The following PTPRQ variants were observed in gnomAD, a reference collection of about 807,000 sequenced individuals.
The protein encoded by PTPRQ is protein tyrosine phosphatase receptor type Q, also known as phosphatidylinositol phosphatase PTPRQ.
In PTPRQ, 199 loss-of-function variants were observed where a neutral mutation model predicts 246.0. The ratio of observed to expected loss-of-function variants is 0.81; its 90% CI spans 0.72 to 0.91. PTPRQ has a LOEUF of 0.91. Among genes scored for constraint, PTPRQ ranks in the 40% least tolerant of loss-of-function variants. The probability of loss-of-function intolerance (pLI) is 0.00; values close to 1 mark genes in which losing one functional copy is unlikely to be tolerated. For synonymous variants in PTPRQ, 869 were observed against 853.2 expected (o/e 1.02, Z -0.32); for missense variants, 2,624 against 2,528.4 (o/e 1.04, Z -0.81).
At chr12:80,533,269 C>T (rs908830226) in intron 17 of PTPRQ, among the ~76,000 whole-genome samples, 15 of 151,900 alleles carry the variant, frequency 9.9e-5, no homozygotes, top group African/African-American at 3.6e-4. Flanking sequence ...ACTAACATGA[C>T]TGAAATAAAA....
At chr12:80,452,459 C>T (rs576518697) in intron 3 of PTPRQ, among the ~76,000 whole-genome samples, 116 of 152,258 alleles carry the variant, frequency 7.6e-4, no homozygotes, top group African/African-American at 2.6e-3. Context: ...TCTTCCTAGC[C>T]TTGATGGTCT....
chr12:80,444,694 C>T, intron 1 of PTPRQ, 47 bp from the exon 2 acceptor site: 3 of 1,403,654 alleles, frequency 2.1e-6, no homozygotes, highest in South Asian at 1.2e-5. Context: ...AGCTTGCTTG[C>T]TTTCCAGAAA....
chr12:80,637,703 A>C (rs1244999740), intron 35 of PTPRQ, among the ~76,000 whole-genome samples: 3 of 152,220 alleles, frequency 2.0e-5, no homozygotes, highest in Non-Finnish European at 4.4e-5. Context: ...AAAGTCACTA[A>C]AACATTAGAC....
At chr12:80,538,422 A>G (rs746858843) in intron 19 of PTPRQ, among the ~76,000 whole-genome samples, 2 of 152,234 alleles carry the variant, frequency 1.3e-5, no homozygotes, top group Non-Finnish European at 2.9e-5. Context: ...AATAAATTCT[A>G]TAACAAAAAT....
rs181874234 is a variant in PTPRQ, at chr12:80,459,412, A to T, written c.589A>T (p.Ser197Cys). ...SFKISVKHAR[S>C]GIVVKDVSIR... ...CAAGATTAGTGTCAAGCATGCCAGA[A>T]GTGGGATAGTAGTGAAAGATGTCTC... Residue 197 changes from serine to cysteine, a missense_variant, in exon 5 of 45, where the codon AGT (serine) becomes TGT (cysteine). By Grantham distance (112) the Ser-to-Cys change is moderately radical. Coordinates refer to ENST00000644991, the MANE Select transcript of PTPRQ (RefSeq NM_001145026.2). 2.1e-4 allele frequency: 84 copies of T among 398,514 alleles called. No homozygotes were observed. Among genetic ancestry groups the T allele is most frequent in the African/African-American group, 1.7e-3 (81 of 48,752 alleles). The allele number at this position is 398,514 out of a possible 1,614,324, so 24.7% of individuals were successfully genotyped here.
In PTPRQ at chr12:80,558,119, C is replaced by CTTTTCT. The variant is rs1555197998; in HGVS notation, c.4285+8388_4285+8389insTCTTTT. On this transcript the variant is annotated intron_variant, in intron 25 of 44. Coordinates refer to ENST00000644991, the MANE Select transcript of PTPRQ (RefSeq NM_001145026.2). ...CCCTCCTTTCTTCTTTCTTTTCTTT[C>CTTTTCT]TTTCTTTTCTTTTCTTTTCTTTTCT... 2.5e-3 allele frequency among the ~76,000 whole-genome samples: 241 copies of CTTTTCT among 95,650 alleles called. 3 individuals are homozygous for CTTTTCT. Among genetic ancestry groups the CTTTTCT allele is most frequent in the African/African-American group, 8.9e-3 (180 of 20,178 alleles). The allele number at this position is 95,650 out of a possible 152,430, so 62.8% of individuals were successfully genotyped here.
intron 25 of PTPRQ, among the ~76,000 whole-genome samples, chr12:80,585,599 CCTT>C (rs1897586322): frequency 6.6e-6 from 1 of 152,158 alleles, no homozygotes; most frequent in Admixed American, 6.5e-5. Flanking sequence ...GTCACTCAGT[CCTT>C]CTTGTTATTC....
At chr12:80,536,733 G>T (rs900742708) in intron 19 of PTPRQ, among the ~76,000 whole-genome samples, 1 of 152,156 alleles carries the variant, frequency 6.6e-6, no homozygotes, top group Non-Finnish European at 1.5e-5. Context: ...GAGAAATGGG[G>T]CCTAGAGAGG....
chr12:80,553,648 C>T (rs937117639), intron 25 of PTPRQ, among the ~76,000 whole-genome samples: 4 of 151,860 alleles, frequency 2.6e-5, no homozygotes, highest in African/African-American at 4.8e-5. Flanking sequence ...AAACATGTAT[C>T]GTGACGATTG....
At chr12:80,560,252 A>G (rs1480003003) in intron 25 of PTPRQ, among the ~76,000 whole-genome samples, 1 of 152,186 alleles carries the variant, frequency 6.6e-6, no homozygotes, top group Non-Finnish European at 1.5e-5. Flanking sequence ...TGTCAAAGAG[A>G]TGAGCAGAGA....
intron 29 of PTPRQ, 45 bp downstream of exon 29, chr12:80,613,881 G>C: frequency 6.9e-7 from 1 of 1,442,098 alleles, no homozygotes; most frequent in Non-Finnish European, 9.1e-7. Context: ...GACAATGTCA[G>C]TTTATGAACT....
chr12:80,514,509 A>G (rs1419734399), intron 17 of PTPRQ, among the ~76,000 whole-genome samples: 1 of 146,534 alleles, frequency 6.8e-6, no homozygotes, highest in East Asian at 2.0e-4. Context: ...CAATGGATGA[A>G]TGAATGAAGA....
chr12:80,462,300 C>A (rs930285459), intron 6 of PTPRQ: 2 of 180,336 alleles, frequency 1.1e-5, no homozygotes, highest in Non-Finnish European at 2.3e-5. Context: ...AAGGTGGCAG[C>A]GAGGCTGGGT....
intron 30 of PTPRQ, among the ~76,000 whole-genome samples, chr12:80,616,930 A>T (rs1015226402): frequency 1.3e-5 from 2 of 151,280 alleles, no homozygotes; most frequent in Admixed American, 6.6e-5. Flanking sequence ...GGTAATAATT[A>T]TGCCATCTCT....
chr12:80,576,054 A>C (rs933366967), intron 25 of PTPRQ, among the ~76,000 whole-genome samples: 24 of 151,612 alleles, frequency 1.6e-4, no homozygotes, highest in Middle Eastern at 3.2e-3. Flanking sequence ...TTCTTTCTTT[A>C]TTCTTTCTTA....
intron 19 of PTPRQ, among the ~76,000 whole-genome samples, chr12:80,538,305 A>C (rs1896049854): frequency 6.6e-6 from 1 of 152,220 alleles, no homozygotes; most frequent in Admixed American, 6.5e-5. Flanking sequence ...TAATGTTACA[A>C]ATTTGTTACA....
intron 25 of PTPRQ, among the ~76,000 whole-genome samples, chr12:80,572,569 G>A (rs1285208382): frequency 6.6e-6 from 1 of 152,104 alleles, no homozygotes; most frequent in Non-Finnish European, 1.5e-5. Flanking sequence ...GGTGATAAAA[G>A]CCAATATCCT....
At position 80,616,607 on chromosome 12, in the gene PTPRQ, G is replaced by C. The variant is rs994215032; in HGVS notation, c.5230+341G>C. ...AGTGTGTTTAAATTGCCTATCATTA[G>C]ACTTTGACTAGGTCTAATTAGATTA... On this transcript the variant is annotated intron_variant, in intron 30 of 44. Coordinates refer to ENST00000644991, the MANE Select transcript of PTPRQ (RefSeq NM_001145026.2). Among the ~76,000 whole-genome samples, 4 of 151,092 alleles carry C rather than the reference G, an allele frequency of 2.6e-5. No individual in the cohort carries two copies. In the East Asian group the frequency reaches 7.8e-4, roughly 29 times the overall value.
intron 6 of PTPRQ, chr12:80,465,450 T>C (rs1200241640): frequency 1.3e-5 from 2 of 152,212 alleles, no homozygotes; most frequent in South Asian, 2.1e-4. Flanking sequence ...GTACCATTCC[T>C]TCTGAAACTA....
Sources: allele counts gnomAD v4.1 joint callset (sites outside exome capture counted in the v4.1 genomes callset), GRCh38; gene constraint gnomAD v4.1.1; transcripts MANE v1.5; gene names NCBI Gene and HGNC (gene_info 2026-07-23, HGNC 2026-07-21).